Variants in PABPC4 observed in about 807,000 individuals in gnomAD.
The protein encoded by PABPC4 is polyadenylate-binding protein 4.
A neutral mutation model predicts 74.5 loss-of-function variants in PABPC4; 15 were observed. The ratio of observed to expected loss-of-function variants is 0.20; its 90% CI spans 0.13 to 0.31. PABPC4 has a LOEUF of 0.31. Among genes scored for constraint, PABPC4 ranks in the 10% least tolerant of loss-of-function variants. PABPC4 has a pLI of 1.00. For missense variants in PABPC4, 610 were observed against 853.5 expected (o/e 0.71, Z 3.55); for synonymous variants, 345 against 303.0 (o/e 1.14, Z -1.44).
intron 10 of PABPC4, 51 bp from the exon 11 acceptor site, chr1:39,563,973 G>A: frequency 1.3e-6 from 2 of 1,536,332 alleles, no homozygotes; most frequent in Non-Finnish European, 1.8e-6. Context: ...ATGTCCAACT[G>A]GCCACGTCCC....
At position 39,568,949 on chromosome 1, in the gene PABPC4, AAAAATATGTCTTT is replaced by A; in HGVS notation, c.739-23_739-11del. 2 of 1,603,036 alleles carry A rather than the reference AAAAATATGTCTTT, an allele frequency of 1.2e-6. No individual in the cohort carries two copies. Among genetic ancestry groups the A allele is most frequent in the Non-Finnish European group, 1.7e-6 (2 of 1,176,346 alleles). Reference sequence around the variant, plus strand: ...TCATCTCTTCCACAGCCTAGAGAGGAAAAATATGTCTTTAAAATAAAGTTGCAGCGATGGGGTC... The same window carrying A: ...TCATCTCTTCCACAGCCTAGAGAGGAAAAATAAAGTTGCAGCGATGGGGTC... On this transcript the variant is annotated splice_polypyrimidine_tract_variant and intron_variant, in intron 5 of 15. Coordinates refer to ENST00000372858, the MANE Select transcript of PABPC4 (RefSeq NM_001135653.2).
chr1:39,565,807 G>C (rs887644980), intron 7 of PABPC4, among the ~76,000 whole-genome samples: 1 of 151,648 alleles, frequency 6.6e-6, no homozygotes, highest in Non-Finnish European at 1.5e-5. Context: ...CAGCCTGGGC[G>C]ACAGAGCGAG....
rs1323874173 is a variant in PABPC4, at chr1:39,560,857, T to C, written c.*279A>G. Reference sequence around the variant, plus strand: ...TTTCTTTATTGGGAAACGTAAGACTTGGGTACATCAAATAAAACCAATTTC... The same window carrying C: ...TTTCTTTATTGGGAAACGTAAGACTCGGGTACATCAAATAAAACCAATTTC... On this transcript the variant is annotated 3_prime_UTR_variant, in exon 16 of 16. Coordinates refer to ENST00000372858, the MANE Select transcript of PABPC4 (RefSeq NM_001135653.2). 5.0e-6 allele frequency: 1 copy of C among 199,768 alleles called. No homozygotes were observed. Among genetic ancestry groups the C allele is most frequent in the Non-Finnish European group, 1.1e-5 (1 of 93,722 alleles). The allele number at this position is 199,768 out of a possible 1,614,324, so 12.4% of individuals were successfully genotyped here.
At chr1:39,564,370 T>G (rs1297839661) in intron 10 of PABPC4, 53 bp downstream of exon 10, 1 of 1,598,204 alleles carries the variant, frequency 6.3e-7, no homozygotes, top group Non-Finnish European at 8.5e-7. Context: ...CAGAGCCTAG[T>G]CATCCTGACT....
chr1:39,568,176 G>A (rs979135630), intron 6 of PABPC4: 5 of 198,438 alleles, frequency 2.5e-5, no homozygotes, highest in African/African-American at 4.7e-5. Context: ...AGAATGGTGC[G>A]AACCCGGGAG....
chr1:39,569,159 T>A (rs374646533), intron 5 of PABPC4, among the ~76,000 whole-genome samples: 15 of 152,244 alleles, frequency 9.9e-5, no homozygotes, highest in African/African-American at 3.6e-4. Flanking sequence ...TACAGGTGTA[T>A]AAACACAAGT....
rs997042521 is a variant in PABPC4 at position 39,562,528 on chromosome 1, T to C, written c.1669-112A>G. The C allele has an allele frequency of 1.1e-5, 8 of 744,306 alleles. No homozygotes were observed. In the Admixed American group the frequency reaches 1.9e-4, roughly 18 times the overall value. 46.1% of individuals were successfully genotyped at this position (744,306 alleles called of 1,614,324 possible). ...TGACTATGTGAAAGAGGAGAGGAGG[T>C]GGCTGTCCTTGCTCTAAAGGAACTA... On this transcript the variant is annotated intron_variant, in intron 12 of 15. Transcript: ENST00000372858.
rs900843563 is a variant in PABPC4 at position 39,571,144 on chromosome 1, C to T, written c.503+90G>A. 492 of 1,598,554 alleles carry T rather than the reference C, an allele frequency of 3.1e-4. 1 individual carries two copies. Among genetic ancestry groups the T allele is most frequent in the Middle Eastern group, 4.5e-4 (2 of 4,458 alleles). ...GAGCAGGCCACACTTGGGCCGAGAA[C>T]CAGTAGCCGCCTTGTGTGTGCCAGT... On this transcript the variant is annotated intron_variant, in intron 3 of 15. Coordinates refer to ENST00000372858, the MANE Select transcript of PABPC4 (RefSeq NM_001135653.2).
rs1421765159 is a variant in PABPC4 at position 39,565,114 on chromosome 1, C to T, written c.1237G>A (p.Val413Ile). 8.7e-6 allele frequency: 14 copies of T among 1,613,812 alleles called. No homozygotes were observed. Among genetic ancestry groups the T allele is most frequent in the Non-Finnish European group, 1.2e-5 (14 of 1,179,996 alleles). ...PAAGGYFVPAVPQAQGRPPYY... is the reference protein window; with the variant it reads ...PAAGGYFVPAIPQAQGRPPYY... ...CCAAACAGCACACCCACCTGTGGGA[C>T]TGCTGGCACAAAGTAGCCACCCGCT... Residue 413 changes from valine (V) to isoleucine (I), a missense_variant, in exon 8 of 16, where the codon GTC becomes ATC. By Grantham distance (29) the Val-to-Ile change is conservative. Transcript: ENST00000372858.
chr1:39,561,959 G>T (rs1031479254), intron 14 of PABPC4, 114 bp downstream of exon 14: 3 of 1,290,262 alleles, frequency 2.3e-6, no homozygotes, highest in Admixed American at 4.0e-5. Context: ...AAGGCATGAC[G>T]AGAGGGGTCC....
In PABPC4 at chr1:39,564,721, G is replaced by A. The variant is rs943860496; in HGVS notation, c.1298C>T (p.Pro433Leu). The A allele has an allele frequency of 1.2e-6, 2 of 1,614,122 alleles. No homozygotes were observed. Among genetic ancestry groups the A allele is most frequent in the Non-Finnish European group, 1.7e-6 (2 of 1,179,996 alleles). ...YTPNQLAQMR[P>L]NPRWQQGGRP... ...CCCACCTTGCTGCCAGCGTGGATTA[G>A]GCCTCATCTGTGCTAACTGGTTAGG... is the stretch of plus-strand genomic sequence containing the variant. The change falls in exon 9 of 16, where the codon CCT becomes CTT. Residue 433 changes from proline (P) to leucine (L), a missense_variant. By Grantham distance (98) the Pro-to-Leu change is moderately conservative (BLOSUM62 -3). Coordinates refer to ENST00000372858, the MANE Select transcript of PABPC4 (RefSeq NM_001135653.2).
Position 39,576,627 on chromosome 1 carries a change from A to G in PABPC4, c.-676T>C, listed in dbSNP as rs1368644848. On this transcript the variant is annotated 5_prime_UTR_variant, in exon 1 of 16. Coordinates refer to ENST00000372858, the MANE Select transcript of PABPC4 (RefSeq NM_001135653.2). Reference sequence around the variant, plus strand: ...GCGCGGGGCAGGCCGGAAGCGTACGAAAGTGACTTCCCCGCGGGTTCTCCG... The same window carrying G: ...GCGCGGGGCAGGCCGGAAGCGTACGGAAGTGACTTCCCCGCGGGTTCTCCG... 6.7e-6 allele frequency: 1 copy of G among 148,426 alleles called. No individual in the cohort carries two copies. The highest frequency in any genetic ancestry group is 2.0e-4 in the East Asian group (1 of 5,126). The allele number at this position is 148,426 out of a possible 1,614,324, so 9.2% of individuals were successfully genotyped here.
intron 6 of PABPC4, 166 bp downstream of exon 6, chr1:39,568,632 TAATC>T: frequency 3.7e-6 from 2 of 546,782 alleles, no homozygotes; most frequent in Non-Finnish European, 6.3e-6. Context: ...GGTTCTATAA[TAATC>T]AGTCATATGT....
chr1:39,569,896 C>T lies in PABPC4; in HGVS notation c.610G>A (p.Asp204Asn), dbSNP rs1645912718. Residue 204 changes from aspartate to asparagine, a missense_variant, in exon 4 of 16, where the codon GAT becomes AAT. Around this residue, in one of 4 missense-constraint regions of PABPC4, gnomAD observed 304 missense variants for 478.9 expected, o/e 0.63. Coordinates refer to ENST00000372858, the MANE Select transcript of PABPC4 (RefSeq NM_001135653.2). Reference sequence around the variant, plus strand: ...CTGAATAGCTCTTTCAGACTCTCATCATCCACCTCTTCCCCAAAGTTTTTG... The same window carrying T: ...CTGAATAGCTCTTTCAGACTCTCATTATCCACCTCTTCCCCAAAGTTTTTG... ...YIKNFGEEVD[D>N]ESLKELFSQF... The T allele has an allele frequency of 6.2e-7, 1 of 1,614,094 alleles. No homozygotes were observed. The highest frequency in any genetic ancestry group is 1.1e-5 in the South Asian group (1 of 91,092).
In PABPC4 at chr1:39,569,009, CA is replaced by C. The variant is rs1453353647; in HGVS notation, c.739-71del. On this transcript the variant is annotated intron_variant, in intron 5 of 15. Transcript: ENST00000372858. ...GGTCTTATTCTGGAGGTCTAAGTCC[CA>C]AAAAATATTCTTTCTACTATAGGAC... 5.3e-6 allele frequency: 8 copies of C among 1,508,930 alleles called. No individual in the cohort carries two copies. The East Asian group carries it at 9.2e-5, about 17-fold the overall frequency. The allele number at this position is 1,508,930 out of a possible 1,614,324, so 93.5% of individuals were successfully genotyped here.
rs767581915 is a variant in PABPC4 at position 39,571,214 on chromosome 1, C to T, written c.503+20G>A. ...CGGCTGGCTCATGCGATGGTTGTTG[C>T]TCCGGACTGGGACACTCACACTTTG... On this transcript the variant is annotated intron_variant, in intron 3 of 15. Coordinates refer to ENST00000372858, the MANE Select transcript of PABPC4 (RefSeq NM_001135653.2). 3 of 1,613,782 alleles carry T rather than the reference C, an allele frequency of 1.9e-6. No homozygotes were observed. Among genetic ancestry groups the T allele is most frequent in the South Asian group, 1.1e-5 (1 of 91,044 alleles).
Position 39,563,631 on chromosome 1 carries a change from C to T in PABPC4, c.1651G>A (p.Ala551Thr). The T allele has an allele frequency of 6.2e-7, 1 of 1,614,022 alleles. No individual in the cohort carries two copies. ...YASSVRSPHP[A>T]IQPLQAPQPA... ...AACCTCACCTGCAGAGGCTGTATGGCAGGATGAGGGCTGCGGACACTGGAG... is the reference window on the plus strand; with the variant it reads ...AACCTCACCTGCAGAGGCTGTATGGTAGGATGAGGGCTGCGGACACTGGAG... The change falls in exon 12 of 16, where the codon GCC becomes ACC. Residue 551 changes from alanine (A) to threonine (T), a missense_variant. Physicochemically the swap from Ala to Thr is moderately conservative, Grantham distance 58. This residue lies in a region of PABPC4 where 277 missense variants were observed against 301.8 expected (regional missense o/e 0.92). Transcript: ENST00000372858.
intron 5 of PABPC4, 84 bp from the exon 6 acceptor site, chr1:39,569,023 T>C: frequency 2.7e-6 from 4 of 1,470,044 alleles, no homozygotes; most frequent in Admixed American, 2.2e-5. Context: ...AAATATTCTT[T>C]CTACTATAGG....
rs533217286 is a variant in PABPC4, at chr1:39,573,955, C to T, written c.194-1369G>A. Among the ~76,000 whole-genome samples the T allele has an allele frequency of 1.4e-4, 22 of 152,298 alleles. No homozygotes were observed. The South Asian group carries it at 4.6e-3, about 32-fold the overall frequency. On this transcript the variant is annotated intron_variant, in intron 1 of 15. Coordinates refer to ENST00000372858, the MANE Select transcript of PABPC4 (RefSeq NM_001135653.2). ...TTCCTTAAGGCTATGATGGCATCTCCTAACGGTGACATCACCCAGAACCTC... is the reference window on the plus strand; with the variant it reads ...TTCCTTAAGGCTATGATGGCATCTCTTAACGGTGACATCACCCAGAACCTC...
Sources: allele counts gnomAD v4.1 joint callset (sites outside exome capture counted in the v4.1 genomes callset), GRCh38; gene constraint gnomAD v4.1.1; regional missense constraint gnomAD v4.1.1; transcripts MANE v1.5; gene names NCBI Gene and HGNC (gene_info 2026-07-23, HGNC 2026-07-21).